The following SCP2 variants were observed in gnomAD, a reference collection of about 807,000 sequenced individuals.
The protein encoded by SCP2 is SCP-2/3-oxoacyl-CoA thiolase.
A neutral mutation model predicts 71.4 loss-of-function variants in SCP2; 48 were observed. The observed-to-expected ratio is 0.67, with a 90% CI of 0.53 to 0.86. The LOEUF is 0.86. Among genes scored for constraint, SCP2 ranks in the 40% least tolerant of loss-of-function variants. The pLI, the probability that SCP2 is intolerant of heterozygous loss-of-function variation, is 0.00. For synonymous variants in SCP2, 220 were observed against 218.1 expected (o/e 1.01, Z -0.08); for missense variants, 560 against 655.6 (o/e 0.85, Z 1.59).
At chr1:53,016,239 G>A (rs1211692673) in intron 12 of SCP2, among the ~76,000 whole-genome samples, 3 of 151,868 alleles carry the variant, frequency 2.0e-5, no homozygotes, top group South Asian at 4.1e-4. Context: ...TTTAAAGCCC[G>A]TCTCAAATAC....
chr1:52,949,266 A>G (rs1332731519), intron 3 of SCP2, among the ~76,000 whole-genome samples: 1 of 152,202 alleles, frequency 6.6e-6, no homozygotes, highest in East Asian at 1.9e-4. Context: ...ATTGAAAAGC[A>G]GATCCCTAAC....
intron 3 of SCP2, 25 bp from the exon 4 acceptor site, chr1:52,950,730 T>G: frequency 1.2e-6 from 2 of 1,604,482 alleles, no homozygotes; most frequent in Non-Finnish European, 1.7e-6. Context: ...ATTCTCCATA[T>G]TAAAATTTTT....
intron 5 of SCP2, 145 bp downstream of exon 5, chr1:52,954,949 A>G: frequency 1.4e-6 from 1 of 720,024 alleles, no homozygotes; most frequent in Non-Finnish European, 2.5e-6. Flanking sequence ...TTATTTTGCC[A>G]ATGATGAAAC....
intron 15 of SCP2, chr1:53,050,255 C>T: frequency 4.0e-6 from 1 of 250,782 alleles, no homozygotes; most frequent in South Asian, 4.8e-5. Context: ...TGCTTTTTCT[C>T]TCAGCAGCCT....
chr1:53,027,038 A>C (rs1572206478), intron 12 of SCP2, among the ~76,000 whole-genome samples: 1 of 150,814 alleles, frequency 6.6e-6, no homozygotes, highest in Non-Finnish European at 1.5e-5. Context: ...TCCCAGGCTC[A>C]GGTGATCCTT....
At position 52,941,858 on chromosome 1, in the gene SCP2, C is replaced by T. The variant is rs767476765; in HGVS notation, c.127+5C>T. 4.4e-6 allele frequency: 7 copies of T among 1,594,482 alleles called. No homozygotes were observed. The highest frequency in any genetic ancestry group is 2.7e-5 in the African/African-American group (2 of 74,634). Reference sequence around the variant, plus strand: ...CTGACTTGGCAGAAGAAGCAGGTAACATAGAACATTTAGATCTTTGAACAT... The same window carrying T: ...CTGACTTGGCAGAAGAAGCAGGTAATATAGAACATTTAGATCTTTGAACAT... On this transcript the variant is annotated splice_donor_5th_base_variant and intron_variant, in intron 2 of 15. Coordinates refer to ENST00000371514, the MANE Select transcript of SCP2 (RefSeq NM_002979.5).
At chr1:53,045,826 C>T (rs1663769413) in intron 14 of SCP2, among the ~76,000 whole-genome samples, 1 of 152,098 alleles carries the variant, frequency 6.6e-6, no homozygotes, top group Non-Finnish European at 1.5e-5. Flanking sequence ...GTTTCCATTA[C>T]CCCAGAAAGT....
Position 53,014,938 on chromosome 1 carries a change from GA to G in SCP2, c.1133del (p.Lys378ArgfsTer15). The G allele has an allele frequency of 6.2e-7, 1 of 1,613,898 alleles. No homozygotes were observed. The highest frequency in any genetic ancestry group is 8.5e-7 in the Non-Finnish European group (1 of 1,179,968). On this transcript the variant is annotated frameshift_variant, in exon 12 of 16. Coordinates refer to ENST00000371514, the MANE Select transcript of SCP2 (RefSeq NM_002979.5). LOFTEE classifies it high-confidence loss of function. ...TGCTGGCAGCTGAGAGGGGAAGCCG[GA>G]AAGAGGCAAGTTCCTGGTGCAAAGG... Reference protein sequence around the residue: ...ELCWQLRGEAGKRQVPGAKVA... With the variant: ...ELCWQLRGEAXKRQVPGAKVA...
At chr1:53,034,497 G>A (rs533029768) in intron 13 of SCP2, among the ~76,000 whole-genome samples, 77 of 152,062 alleles carry the variant, frequency 5.1e-4, no homozygotes, top group Non-Finnish European at 7.9e-4. Context: ...GTTTCTTTTG[G>A]GGTTAATGAG....
At chr1:52,953,911 G>A (rs190476599) in intron 4 of SCP2, among the ~76,000 whole-genome samples, 34 of 151,258 alleles carry the variant, frequency 2.2e-4, no homozygotes, top group Non-Finnish European at 3.8e-4. Context: ...GAGCCCAGGA[G>A]GTCTAGGCTT....
At chr1:53,035,909 A>G (rs538169945) in intron 13 of SCP2, among the ~76,000 whole-genome samples, 1 of 151,468 alleles carries the variant, frequency 6.6e-6, no homozygotes, top group Admixed American at 6.6e-5. Context: ...AGTCCCAGCT[A>G]CTCGGGAGGC....
At chr1:52,977,528 A>T (rs1051283272) in intron 8 of SCP2, among the ~76,000 whole-genome samples, 1 of 152,224 alleles carries the variant, frequency 6.6e-6, no homozygotes, top group African/African-American at 2.4e-5. Context: ...GGACTGAGTT[A>T]TTTGGAGATA....
intron 11 of SCP2, chr1:52,993,294 G>A (rs1250479334): frequency 1.2e-5 from 20 of 1,613,948 alleles, no homozygotes; most frequent in Admixed American, 8.3e-5. Flanking sequence ...CTGATAACCC[G>A]GACAAGTTCA....
At chr1:52,957,064 C>G (rs1277107263) in intron 5 of SCP2, among the ~76,000 whole-genome samples, 2 of 152,120 alleles carry the variant, frequency 1.3e-5, no homozygotes, top group Non-Finnish European at 2.9e-5. Flanking sequence ...TGCCCGCCAC[C>G]ACGCCTGGCT....
chr1:52,984,624 G>A lies in SCP2; in HGVS notation c.974-3405G>A, dbSNP rs138359888. On this transcript the variant is annotated intron_variant, in intron 10 of 15. Transcript: ENST00000371514. The stretch of plus-strand genomic sequence containing the variant: ...GCTATCTCAGCTCACCACAACCTCC[G>A]CTACCTGGGTTCAAGTGATTCTCCT... 7.9e-3 allele frequency among the ~76,000 whole-genome samples: 1,143 copies of A among 145,330 alleles called. 4 individuals are homozygous for A. Among genetic ancestry groups the A allele is most frequent in the Middle Eastern group, 0.012 (3 of 258 alleles).
intron 13 of SCP2, among the ~76,000 whole-genome samples, chr1:53,035,025 A>C (rs956359878): frequency 2.0e-5 from 3 of 152,056 alleles, no homozygotes; most frequent in Non-Finnish European, 4.4e-5. Context: ...GAATGGCATG[A>C]ACCTGGGAGG....
chr1:53,020,885 AC>A (rs767017786), intron 12 of SCP2, among the ~76,000 whole-genome samples: 39 of 152,274 alleles, frequency 2.6e-4, no homozygotes, highest in Admixed American at 1.6e-3. Context: ...CCTGAAACTT[AC>A]GCGTACTGTA....
intron 6 of SCP2, among the ~76,000 whole-genome samples, chr1:52,967,408 C>T (rs559608634): frequency 4.1e-4 from 63 of 151,950 alleles, no homozygotes; most frequent in African/African-American, 1.4e-3. Context: ...AAATTATCCA[C>T]GTCATTTAGA....
rs528496217 is a variant in SCP2 at position 52,939,793 on chromosome 1, C to A, written c.70-2003C>A. On this transcript the variant is annotated intron_variant, in intron 1 of 15. Coordinates refer to ENST00000371514, the MANE Select transcript of SCP2 (RefSeq NM_002979.5). ...TCCTGGGTTTTCCTGTCTCAGCCTC[C>A]CGAGTAGCTGGGATTATAGGTGCTG... Among the ~76,000 whole-genome samples, 12 of 152,198 alleles carry A rather than the reference C, an allele frequency of 7.9e-5. 1 individual carries two copies. The South Asian group carries it at 2.5e-3, about 32-fold the overall frequency.
Sources: gnomAD v4.1 joint callset for allele counts (sites outside exome capture counted in the v4.1 genomes callset) on GRCh38, gnomAD v4.1.1 for gene constraint, MANE v1.5 for transcripts, NCBI Gene and HGNC (gene_info 2026-07-23, HGNC 2026-07-21) for gene names.